GABBR2: variants seen among roughly 807,000 people sequenced by gnomAD.
The protein encoded by GABBR2 is gamma-aminobutyric acid type B receptor subunit 2.
A neutral mutation model predicts 105.6 loss-of-function variants in GABBR2; 23 were observed. The observed-to-expected ratio is 0.22, with a 90% confidence interval of 0.16 to 0.31. The LOEUF is 0.31. Ranked by LOEUF, GABBR2 falls within the 10% of genes least tolerant of loss-of-function variation. The pLI, the probability that GABBR2 is intolerant of heterozygous loss-of-function variation, is 1.00. For missense variants in GABBR2, 734 were observed against 1,245.5 expected (o/e 0.59, Z 6.18); for synonymous variants, 478 against 499.7 (o/e 0.96, Z 0.58).
chr9:98,437,402 C>T (rs1211918809), intron 7 of GABBR2, among the ~76,000 whole-genome samples: 1 of 151,860 alleles, frequency 6.6e-6, no homozygotes, highest in Admixed American at 6.6e-5. Flanking sequence ...ACCGTCTATC[C>T]ATCCATCCCT....
At chr9:98,400,849 G>A (rs965301938) in intron 8 of GABBR2, among the ~76,000 whole-genome samples, 1 of 152,154 alleles carries the variant, frequency 6.6e-6, no homozygotes, top group African/African-American at 2.4e-5. Flanking sequence ...ACACAATATG[G>A]GGTGTTTGCC....
chr9:98,592,771 A>G (rs985270179), intron 1 of GABBR2, among the ~76,000 whole-genome samples: 1 of 152,180 alleles, frequency 6.6e-6, no homozygotes, highest in Non-Finnish European at 1.5e-5. Flanking sequence ...GAAAGTGAGG[A>G]TATGTCTTAG....
chr9:98,387,100 G>T (rs1234967070), intron 10 of GABBR2, among the ~76,000 whole-genome samples: 2 of 152,160 alleles, frequency 1.3e-5, no homozygotes, highest in East Asian at 1.9e-4. Context: ...GGGGGTTGGG[G>T]CAGGCTTCCC....
chr9:98,329,144 G>A (rs1830978487), intron 13 of GABBR2, among the ~76,000 whole-genome samples: 1 of 152,162 alleles, frequency 6.6e-6, no homozygotes, highest in Non-Finnish European at 1.5e-5. Context: ...ACTCAGAAAA[G>A]GTTTCAAAGA....
intron 2 of GABBR2, among the ~76,000 whole-genome samples, chr9:98,575,035 C>T (rs1395199948): frequency 4.6e-5 from 7 of 152,146 alleles, no homozygotes; most frequent in Non-Finnish European, 1.0e-4. Context: ...CAGGTTCTGT[C>T]CTTAAGAAGC....
At chr9:98,347,204 T>TA (rs1198413598) in intron 13 of GABBR2, among the ~76,000 whole-genome samples, 3 of 152,234 alleles carry the variant, frequency 2.0e-5, no homozygotes, top group Admixed American at 6.5e-5. Flanking sequence ...CAACAGTGTA[T>TA]AAGAATTCTC....
chr9:98,404,216 A>G (rs1832449996), intron 8 of GABBR2, among the ~76,000 whole-genome samples: 1 of 152,124 alleles, frequency 6.6e-6, no homozygotes, highest in South Asian at 2.1e-4. Context: ...AAAAAAAGTA[A>G]GTATCTTTGC....
At chr9:98,487,036 G>GAAT (rs1827069363) in intron 4 of GABBR2, among the ~76,000 whole-genome samples, 1 of 152,222 alleles carries the variant, frequency 6.6e-6, no homozygotes, top group Non-Finnish European at 1.5e-5. Flanking sequence ...AGCGAAGAGG[G>GAAT]AATAGCCCAC....
At position 98,473,304 on chromosome 9, in the gene GABBR2, T is replaced by C; in HGVS notation, c.841A>G (p.Ile281Val). ...CAAGAAGGCTCGTACCAGCCCGGAA[T>C]GATCCACTGATATTTACTACCATAC... is the stretch of plus-strand genomic sequence containing the variant. Reference protein sequence around the residue: ...NMYGSKYQWIIPGWYEPSWWE... With the variant: ...NMYGSKYQWIVPGWYEPSWWE... Residue 281 changes from isoleucine to valine, a missense_variant, in exon 6 of 19, where the codon ATT (isoleucine) becomes GTT (valine). Around this residue, in one of 7 missense-constraint regions of GABBR2, gnomAD observed 370 missense variants for 648.9 expected, o/e 0.57. Transcript: ENST00000259455. 1 of 1,613,312 alleles carries C rather than the reference T, an allele frequency of 6.2e-7. No homozygotes were observed. The highest frequency in any genetic ancestry group is 8.5e-7 in the Non-Finnish European group (1 of 1,179,680).
intron 1 of GABBR2, among the ~76,000 whole-genome samples, chr9:98,691,095 C>A (rs75045615): frequency 0.094 from 14,259 of 152,230 alleles, 745 homozygotes; most frequent in Non-Finnish European, 0.11. Context: ...CCTCCTGGGC[C>A]CTCTTCAAGA....
intron 1 of GABBR2, among the ~76,000 whole-genome samples, chr9:98,578,477 G>A (rs1431474197): frequency 3.3e-5 from 5 of 152,038 alleles, no homozygotes; most frequent in African/African-American, 1.2e-4. Context: ...TGGCAAGGGT[G>A]TGGAGAAACT....
chr9:98,415,642 A>T (rs1173232155), intron 7 of GABBR2, among the ~76,000 whole-genome samples: 2 of 152,198 alleles, frequency 1.3e-5, no homozygotes, highest in Non-Finnish European at 2.9e-5. Flanking sequence ...GCGTTATTTA[A>T]GATTTTTTTC....
At chr9:98,385,058 G>A (rs1191302187) in intron 11 of GABBR2, among the ~76,000 whole-genome samples, 1 of 152,140 alleles carries the variant, frequency 6.6e-6, no homozygotes, top group Non-Finnish European at 1.5e-5. Context: ...GAGGTAGATG[G>A]GAGGATCTGT....
At chr9:98,588,813 C>G (rs1486026014) in intron 1 of GABBR2, among the ~76,000 whole-genome samples, 3 of 152,188 alleles carry the variant, frequency 2.0e-5, no homozygotes, top group Non-Finnish European at 4.4e-5. Context: ...GTGTGCCATG[C>G]CCAGGTTGGC....
At chr9:98,609,711 G>A (rs959897377) in intron 1 of GABBR2, among the ~76,000 whole-genome samples, 1 of 152,202 alleles carries the variant, frequency 6.6e-6, no homozygotes, top group Non-Finnish European at 1.5e-5. Context: ...GGGCTGCTGG[G>A]AGTGGCCTGG....
chr9:98,592,777 C>T (rs1829165052), intron 1 of GABBR2, among the ~76,000 whole-genome samples: 1 of 152,174 alleles, frequency 6.6e-6, no homozygotes, highest in South Asian at 2.1e-4. Context: ...GAGGATATGT[C>T]TTAGAACAGC....
intron 13 of GABBR2, among the ~76,000 whole-genome samples, chr9:98,362,029 A>G (rs543352263): frequency 6.6e-6 from 1 of 152,270 alleles, no homozygotes; most frequent in East Asian, 1.9e-4. Context: ...ATTTTCTTAG[A>G]GTTTGTTACA....
At chr9:98,372,884 G>A (rs75156488) in intron 11 of GABBR2, among the ~76,000 whole-genome samples, 3,265 of 152,318 alleles carry the variant, frequency 0.021, 125 homozygotes, top group African/African-American at 0.074. Context: ...CACAGCGCTT[G>A]TTCAGAAACA....
intron 2 of GABBR2, among the ~76,000 whole-genome samples, chr9:98,568,303 TG>T (rs11409053): frequency 1.3e-5 from 2 of 151,994 alleles, no homozygotes; most frequent in South Asian, 4.2e-4. Flanking sequence ...CACAGTCAAA[TG>T]GGGGGGCAGA....
Sources: gnomAD v4.1 joint callset for allele counts (sites outside exome capture counted in the v4.1 genomes callset) on GRCh38, gnomAD v4.1.1 for gene constraint, gnomAD v4.1.1 regional missense constraint, MANE v1.5 for transcripts, NCBI Gene and HGNC (gene_info 2026-07-23, HGNC 2026-07-21) for gene names.